The following GNA15 variants were observed in gnomAD, a reference collection of about 807,000 sequenced individuals.
GNA15 encodes the protein G protein subunit alpha 15, also known as guanine nucleotide-binding protein subunit alpha-15.
A neutral mutation model predicts 40.1 loss-of-function variants in GNA15; 23 were observed. The ratio of observed to expected loss-of-function variants is 0.57; its 90% CI spans 0.41 to 0.81. GNA15 has a LOEUF of 0.81. Among genes scored for constraint, GNA15 ranks in the 40% least tolerant of loss-of-function variants. GNA15 has a pLI of 0.00. For missense variants in GNA15, 522 were observed against 515.8 expected, an observed-to-expected ratio of 1.01 and a Z score of -0.12; for synonymous variants, 226 against 210.4, an observed-to-expected ratio of 1.07 and a Z score of -0.64.
In GNA15 at chr19:3,136,789, C is replaced by G. The variant is rs376134188; in HGVS notation, c.145+194C>G. Among the ~76,000 whole-genome samples the G allele has an allele frequency of 8.5e-5, 13 of 152,354 alleles. No homozygotes were observed. The East Asian group carries it at 2.3e-3, about 27-fold the overall frequency. On this transcript the variant is annotated intron_variant, in intron 1 of 6. Transcript: ENST00000262958. This position sits in a 1 kb window ranked among gnomAD's most constrained non-coding sequence, Gnocchi z 4.9. ...ACTGAGGTTCAGAGAAGCCAAGTTCCTTGTCCAACGTGCGACCAGCGGCCA... is the reference window on the plus strand; with the variant it reads ...ACTGAGGTTCAGAGAAGCCAAGTTCGTTGTCCAACGTGCGACCAGCGGCCA...
At chr19:3,149,584 G>A in intron 2 of GNA15, 1 of 157,488 alleles carries the variant, frequency 6.3e-6, no homozygotes, top group Non-Finnish European at 1.4e-5. Context: ...GAGCACGCTT[G>A]TACATGAACA....
intron 1 of GNA15, among the ~76,000 whole-genome samples, chr19:3,138,503 C>T (rs892787488): frequency 1.3e-5 from 2 of 152,212 alleles, no homozygotes; most frequent in Non-Finnish European, 2.9e-5. Context: ...TGGTTGCTAT[C>T]GTCCTTTCCT....
At position 3,151,698 on chromosome 19, in the gene GNA15, G is replaced by A; in HGVS notation, c.486-9G>A. ...GCAAGGCTGGGCCTCAGGACTCCTT[G>A]CTCTGCAGCTACCTGTCCCACCTGG... On this transcript the variant is annotated splice_polypyrimidine_tract_variant and intron_variant, in intron 3 of 6. Coordinates refer to ENST00000262958, the MANE Select transcript of GNA15 (RefSeq NM_002068.4). The surrounding 1 kb of genome is among the most constrained non-coding windows in gnomAD (Gnocchi z 5.0). The A allele has an allele frequency of 1.3e-6, 2 of 1,583,874 alleles. No homozygotes were observed. The highest frequency in any genetic ancestry group is 1.7e-6 in the Non-Finnish European group (2 of 1,165,596).
At chr19:3,161,805 C>T (rs534067518) in intron 6 of GNA15, among the ~76,000 whole-genome samples, 93 of 152,082 alleles carry the variant, frequency 6.1e-4, no homozygotes, top group African/African-American at 1.6e-3. Flanking sequence ...GGCTGAGGCG[C>T]GCAGATCGCT....
chr19:3,140,071 C>CTATT (rs1195146468), intron 1 of GNA15, among the ~76,000 whole-genome samples: 2 of 138,668 alleles, frequency 1.4e-5, no homozygotes, highest in African/African-American at 5.1e-5. Context: ...ATCTATCTAT[C>CTATT]TATCTATCTA....
intron 2 of GNA15, 137 bp downstream of exon 2, chr19:3,148,912 A>C (rs1031975436): frequency 4.9e-6 from 4 of 810,900 alleles, no homozygotes; most frequent in African/African-American, 1.7e-5. Context: ...AAGGGTCCCC[A>C]GACCCTGGGG....
At chr19:3,146,843 T>C (rs1387577976) in intron 1 of GNA15, among the ~76,000 whole-genome samples, 1 of 151,342 alleles carries the variant, frequency 6.6e-6, no homozygotes, top group Non-Finnish European at 1.5e-5. Flanking sequence ...CCCAAGTCCC[T>C]CAGGGTCAAA....
In GNA15 at chr19:3,157,732, G is replaced by C; in HGVS notation, c.749G>C (p.Arg250Pro). Residue 250 changes from arginine (R) to proline (P), a missense_variant, in exon 6 of 7, where the codon CGC becomes CCC. By Grantham distance (103) the Arg-to-Pro change is moderately radical. Transcript: ENST00000262958. ...QCLEENNQENRMKESLALFGT... is the reference protein window; with the variant it reads ...QCLEENNQENPMKESLALFGT... ...CTGCTTCTGCCCCCAACACAGAACC[G>C]CATGAAGGAGAGCCTCGCATTGTTT... 2 of 1,613,660 alleles carry C rather than the reference G, an allele frequency of 1.2e-6. No homozygotes were observed. Among genetic ancestry groups the C allele is most frequent in the East Asian group, 2.2e-5 (1 of 44,880 alleles).
chr19:3,159,691 C>G (rs1347844055), intron 6 of GNA15, among the ~76,000 whole-genome samples: 3 of 152,202 alleles, frequency 2.0e-5, no homozygotes, highest in African/African-American at 7.2e-5. Context: ...TTCCAAAGCA[C>G]ACAGCTTAGT....
intron 1 of GNA15, among the ~76,000 whole-genome samples, chr19:3,145,554 A>C (rs12980667): frequency 2.0e-5 from 1 of 50,054 alleles, no homozygotes; most frequent in Non-Finnish European, 3.6e-5. Flanking sequence ...ACCTTTTTTT[A>C]TTTTTTTATT....
At chr19:3,142,663 G>A (rs1345129833) in intron 1 of GNA15, among the ~76,000 whole-genome samples, 1 of 152,138 alleles carries the variant, frequency 6.6e-6, no homozygotes, top group Non-Finnish European at 1.5e-5. Flanking sequence ...CTTGAGGCCA[G>A]GAGTTCAAGA....
At chr19:3,161,617 A>G (rs74404567) in intron 6 of GNA15, among the ~76,000 whole-genome samples, 31,121 of 152,060 alleles carry the variant, frequency 0.2, 3,393 homozygotes, top group Non-Finnish European at 0.25. Context: ...CTCATAGTTT[A>G]GAGAATTTGG....
At chr19:3,147,898 A>AG (rs1203637752) in intron 1 of GNA15, among the ~76,000 whole-genome samples, 1 of 151,372 alleles carries the variant, frequency 6.6e-6, no homozygotes, top group Non-Finnish European at 1.5e-5. Flanking sequence ...AAAAAAAAAA[A>AG]AAAAAAGAAG....
intron 2 of GNA15, chr19:3,149,033 A>G: frequency 2.3e-6 from 1 of 437,082 alleles, no homozygotes; most frequent in South Asian, 2.7e-5. Context: ...GCACACAAGG[A>G]CACACACGTA....
intron 1 of GNA15, among the ~76,000 whole-genome samples, chr19:3,145,901 C>T (rs148289692): frequency 0.014 from 2,193 of 151,946 alleles, 53 homozygotes; most frequent in African/African-American, 0.051. Flanking sequence ...CCTGGAGAAA[C>T]TGAGGACTGG....
chr19:3,141,724 C>T (rs1914581402), intron 1 of GNA15: 1 of 152,446 alleles, frequency 6.6e-6, no homozygotes, highest in South Asian at 2.1e-4. Context: ...GGCAGGCACT[C>T]CTAGTTTCCC....
chr19:3,143,669 A>G (rs1568293747), intron 1 of GNA15, among the ~76,000 whole-genome samples: 1 of 151,944 alleles, frequency 6.6e-6, no homozygotes, highest in Non-Finnish European at 1.5e-5. Context: ...AATAATAATA[A>G]TAAAAAATAA....
At chr19:3,146,193 G>A (rs1266760331) in intron 1 of GNA15, among the ~76,000 whole-genome samples, 1 of 152,160 alleles carries the variant, frequency 6.6e-6, no homozygotes, top group Non-Finnish European at 1.5e-5. Context: ...GGCAGAAGCA[G>A]TCCCATCCCC....
rs144595779 is a variant in GNA15 at position 3,158,975 on chromosome 19, C to T, written c.898+1094C>T. Among the ~76,000 whole-genome samples, 223 of 151,978 alleles carry T rather than the reference C, an allele frequency of 1.5e-3. 2 individuals carry two copies. The highest frequency in any genetic ancestry group is 5.2e-3 in the African/African-American group (216 of 41,458). ...AATCTTTCATAGTGATCTCATCTAT[C>T]CCTAATTGGATAGCAATTTCTTTTT... On this transcript the variant is annotated intron_variant, in intron 6 of 6. Coordinates refer to ENST00000262958, the MANE Select transcript of GNA15 (RefSeq NM_002068.4).
Sources: allele counts gnomAD v4.1 joint callset (sites outside exome capture counted in the v4.1 genomes callset), GRCh38; gene constraint gnomAD v4.1.1; non-coding constraint Gnocchi (gnomAD v3.1); transcripts MANE v1.5; gene names NCBI Gene and HGNC (gene_info 2026-07-23, HGNC 2026-07-21).